The following AUTS2 variants were observed in gnomAD, a reference collection of about 807,000 sequenced individuals.
AUTS2 encodes the protein autism susceptibility gene 2 protein.
In AUTS2, 17 loss-of-function variants were observed where a neutral mutation model predicts 112.4. The ratio of observed to expected loss-of-function variants is 0.15; its 90% CI spans 0.10 to 0.23. AUTS2 has a LOEUF of 0.23. AUTS2 is among the 10% of genes least tolerant of loss of function. The pLI is 1.00. For missense variants in AUTS2, 1,510 were observed against 1,701.6 expected, an observed-to-expected ratio of 0.89 and a Z score of 1.98; for synonymous variants, 751 against 702.7, an observed-to-expected ratio of 1.07 and a Z score of -1.09.
At chr7:70,669,862 C>A (rs570303091) in intron 5 of AUTS2, among the ~76,000 whole-genome samples, 1 of 152,184 alleles carries the variant, frequency 6.6e-6, no homozygotes, top group Non-Finnish European at 1.5e-5. Context: ...AGATGCACAT[C>A]GCATCTCACA....
chr7:69,932,165 A>C (rs1418697755), intron 2 of AUTS2, among the ~76,000 whole-genome samples: 1 of 152,104 alleles, frequency 6.6e-6, no homozygotes, highest in African/African-American at 2.4e-5. Context: ...TTTTGGATTC[A>C]TCCAGTTCTA....
intron 2 of AUTS2, among the ~76,000 whole-genome samples, chr7:70,100,717 A>T (rs1401189635): frequency 6.6e-6 from 1 of 152,132 alleles, no homozygotes; most frequent in Non-Finnish European, 1.5e-5. Flanking sequence ...ATTTAAAAAC[A>T]TTTAAATTTA....
chr7:70,717,233 ACACCGT>A (rs1330102692), intron 6 of AUTS2, among the ~76,000 whole-genome samples: 4 of 151,774 alleles, frequency 2.6e-5, no homozygotes, highest in African/African-American at 9.7e-5. Context: ...TTCTATGGAG[ACACCGT>A]CTTGCTATGT....
rs561091849 is a variant in AUTS2, at chr7:70,100,117, G to A, written c.523-18015G>A. 4.6e-5 allele frequency among the ~76,000 whole-genome samples: 7 copies of A among 152,194 alleles called. No individual in the cohort carries two copies. The South Asian group carries it at 6.2e-4, about 14-fold the overall frequency. On this transcript the variant is annotated intron_variant, in intron 2 of 18. Coordinates refer to ENST00000342771, the MANE Select transcript of AUTS2 (RefSeq NM_015570.4). ...TCAGTAAGTAACTCTTGTTGTGGTC[G>A]CTGTCTTCAGTATTCCAGAAATAAT...
chr7:69,747,608 G>C (rs1410195322), intron 1 of AUTS2, among the ~76,000 whole-genome samples: 1 of 152,172 alleles, frequency 6.6e-6, no homozygotes, highest in South Asian at 2.1e-4. Context: ...CACGCAACTA[G>C]AAGTAGCAAC....
intron 2 of AUTS2, among the ~76,000 whole-genome samples, chr7:69,996,946 TAAAAAAA>T (rs1161825217): frequency 1.0e-5 from 1 of 99,032 alleles, no homozygotes; most frequent in Non-Finnish European, 2.0e-5. Flanking sequence ...CTGGAACACT[TAAAAAAA>T]AAAAAAAAAA....
At chr7:70,732,755 T>C (rs1787504915) in intron 6 of AUTS2, among the ~76,000 whole-genome samples, 1 of 152,186 alleles carries the variant, frequency 6.6e-6, no homozygotes, top group Admixed American at 6.5e-5. Context: ...TGCTTTAGGA[T>C]AAGAAAAAAG....
chr7:70,772,343 G>A (rs944405320), intron 11 of AUTS2, among the ~76,000 whole-genome samples: 5 of 152,180 alleles, frequency 3.3e-5, no homozygotes, highest in Admixed American at 6.5e-5. Context: ...TGATAATGCC[G>A]TCCAGCGTTG....
intron 18 of AUTS2, among the ~76,000 whole-genome samples, chr7:70,788,977 TC>T (rs1473676896): frequency 6.6e-6 from 1 of 152,258 alleles, no homozygotes; most frequent in Non-Finnish European, 1.5e-5. Flanking sequence ...AAAATTCTTG[TC>T]TCGTGTTTTC....
intron 1 of AUTS2, among the ~76,000 whole-genome samples, chr7:69,787,868 G>A (rs1403432624): frequency 2.0e-5 from 3 of 152,010 alleles, no homozygotes; most frequent in Admixed American, 6.6e-5. Context: ...GAGCCACTGC[G>A]CCTAGCTGTT....
At position 70,773,896 on chromosome 7, in the gene AUTS2, A is replaced by G. The variant is rs537335345; in HGVS notation, c.1831-132A>G. 2.3e-3 allele frequency: 1,884 copies of G among 829,418 alleles called. 5 individuals carry two copies. Among genetic ancestry groups the G allele is most frequent in the Non-Finnish European group, 2.6e-3 (1,325 of 510,514 alleles). The allele number at this position is 829,418 out of a possible 1,614,324, so 51.4% of individuals were successfully genotyped here. A position where few individuals can be genotyped will look rare whatever the true frequency, so the allele number is the denominator to read the frequency against. On this transcript the variant is annotated intron_variant, in intron 11 of 18. Coordinates refer to ENST00000342771, the MANE Select transcript of AUTS2 (RefSeq NM_015570.4). ...AGAGCATGTGTGGTCCCTGAGAAAA[A>G]TGAATCTTGCGTTTCAGAAGGAAAC... is the stretch of plus-strand genomic sequence containing the variant.
intron 5 of AUTS2, among the ~76,000 whole-genome samples, chr7:70,667,473 T>C (rs1048553920): frequency 5.9e-5 from 9 of 152,224 alleles, no homozygotes; most frequent in Non-Finnish European, 8.8e-5. Flanking sequence ...AGAAATCGCC[T>C]TCACACTTCT....
chr7:70,685,909 C>T (rs113484483), intron 5 of AUTS2, among the ~76,000 whole-genome samples: 194 of 152,252 alleles, frequency 1.3e-3, no homozygotes, highest in African/African-American at 4.6e-3. Flanking sequence ...TCCCTTCCCA[C>T]CCTCCCAGAA....
chr7:70,246,266 C>T (rs1287424639), intron 4 of AUTS2, among the ~76,000 whole-genome samples: 1 of 152,058 alleles, frequency 6.6e-6, no homozygotes, highest in African/African-American at 2.4e-5. Flanking sequence ...TTCATCCCTA[C>T]TCTGAGGTCA....
At chr7:70,397,354 C>T (rs560091847) in intron 4 of AUTS2, among the ~76,000 whole-genome samples, 131 of 152,114 alleles carry the variant, frequency 8.6e-4, no homozygotes, top group African/African-American at 2.9e-3. Context: ...CATGAGCCAC[C>T]GAGCCCAGCC....
chr7:70,058,009 A>G (rs937216617), intron 2 of AUTS2, among the ~76,000 whole-genome samples: 1 of 152,218 alleles, frequency 6.6e-6, no homozygotes, highest in Non-Finnish European at 1.5e-5. Context: ...GTAACAGGAC[A>G]TTGAAAAGAC....
At chr7:69,919,458 C>T (rs766752991) in intron 2 of AUTS2, among the ~76,000 whole-genome samples, 4 of 152,220 alleles carry the variant, frequency 2.6e-5, no homozygotes, top group East Asian at 1.9e-4. Flanking sequence ...TAAGAGGTAT[C>T]GCAGACACTG....
chr7:69,775,617 C>T (rs530971228), intron 1 of AUTS2, among the ~76,000 whole-genome samples: 2 of 152,010 alleles, frequency 1.3e-5, no homozygotes, highest in East Asian at 1.9e-4. Flanking sequence ...TGTGAGGGGT[C>T]GGGAAGTTGT....
chr7:69,728,251 G>A (rs1321453233), intron 1 of AUTS2, among the ~76,000 whole-genome samples: 1 of 152,210 alleles, frequency 6.6e-6, no homozygotes, highest in African/African-American at 2.4e-5. Context: ...CTGAGGCGCT[G>A]CCTTGTGTGG....
Sources: gnomAD v4.1 joint callset for allele counts (sites outside exome capture counted in the v4.1 genomes callset) on GRCh38, gnomAD v4.1.1 for gene constraint, MANE v1.5 for transcripts, NCBI Gene and HGNC (gene_info 2026-07-23, HGNC 2026-07-21) for gene names.